ZNF24: variants seen among roughly 807,000 people sequenced by gnomAD.
ZNF24 encodes the protein zinc finger protein 24, also known as retinoic acid suppression protein A.
ZNF24 carries 11 observed loss-of-function variants against 40.9 expected under a neutral mutation model. The observed-to-expected ratio is 0.27, with a 90% CI of 0.17 to 0.45. ZNF24 has a LOEUF of 0.45. Ranked by LOEUF, ZNF24 falls within the 20% of genes least tolerant of loss-of-function variation. The pLI is 1.00. For synonymous variants in ZNF24, 139 were observed against 154.7 expected (o/e 0.90, Z 0.75); for missense variants, 293 against 437.7 (o/e 0.67, Z 2.95).
intron 3 of ZNF24, chr18:35,338,877 C>A: frequency 7.3e-7 from 1 of 1,377,088 alleles, no homozygotes; most frequent in Non-Finnish European, 9.3e-7. Context: ...CCCCATATAT[C>A]AAGAATGATA....
In ZNF24 at chr18:35,336,836, T is replaced by A. The variant is rs576085272; in HGVS notation, c.*396A>T. The A allele has an allele frequency of 6.4e-6, 1 of 157,208 alleles. No individual in the cohort carries two copies. The highest frequency in any genetic ancestry group is 2.0e-4 in the South Asian group (1 of 4,886). 9.7% of individuals were successfully genotyped at this position (157,208 alleles called of 1,614,324 possible). Reference sequence around the variant, plus strand: ...TGGTTTTCAGACTTTGTAATTCCTGTTGCCTTTTAATATATAAGGGAATGT... The same window carrying A: ...TGGTTTTCAGACTTTGTAATTCCTGATGCCTTTTAATATATAAGGGAATGT... On this transcript the variant is annotated 3_prime_UTR_variant, in exon 4 of 4. Transcript: ENST00000261332.
Position 35,337,209 on chromosome 18 carries a change from A to G in ZNF24, c.*23T>C, listed in dbSNP as rs756547539. ...TCTGAAGAAAAAGACCTGAGTGCTG[A>G]TTCTTTTTTTTTTTTCAATTTCTTA... On this transcript the variant is annotated 3_prime_UTR_variant, in exon 4 of 4. Coordinates refer to ENST00000261332, the MANE Select transcript of ZNF24 (RefSeq NM_006965.4). 1 of 1,418,638 alleles carries G rather than the reference A, an allele frequency of 7.0e-7. No individual in the cohort carries two copies. The highest frequency in any genetic ancestry group is 1.4e-5 in the African/African-American group (1 of 69,628). 87.9% of individuals were successfully genotyped at this position (1,418,638 alleles called of 1,614,324 possible).
At chr18:35,339,318 G>GA (rs1243095486) in intron 3 of ZNF24, among the ~76,000 whole-genome samples, 1 of 151,978 alleles carries the variant, frequency 6.6e-6, no homozygotes, top group Non-Finnish European at 1.5e-5. Flanking sequence ...TTAGAAAAAG[G>GA]AAAAAAATTA....
At position 35,340,794 on chromosome 18, in the gene ZNF24, A is replaced by G. The variant is rs2044962187; in HGVS notation, c.-83-61T>C. 2.8e-6 allele frequency: 2 copies of G among 724,192 alleles called. No homozygotes were observed. The highest frequency in any genetic ancestry group is 4.3e-6 in the Non-Finnish European group (2 of 462,010). 44.9% of individuals were successfully genotyped at this position (724,192 alleles called of 1,614,324 possible). On this transcript the variant is annotated intron_variant, in intron 1 of 3. Transcript: ENST00000261332. The surrounding 1 kb of genome is among the most constrained non-coding windows in gnomAD (Gnocchi z 4.6). ...AAAAATATCCTAAGAATTTGAACTT[A>G]TACTGGTAAAAGTAAAAGATACTTG...
In ZNF24 at chr18:35,336,138, T is replaced by C. The variant is rs2044906456; in HGVS notation, c.*1094A>G. ...CCCCTATGATTTACAGTGGAAGAAA[T>C]ACCTACCTACTTATGGTAGGATTAC... On this transcript the variant is annotated 3_prime_UTR_variant, in exon 4 of 4. Transcript: ENST00000261332. 2 of 152,616 alleles carry C rather than the reference T, an allele frequency of 1.3e-5. No individual in the cohort carries two copies. The highest frequency in any genetic ancestry group is 2.9e-5 in the Non-Finnish European group (2 of 68,024). 9.5% of individuals were successfully genotyped at this position (152,616 alleles called of 1,614,324 possible).
intron 1 of ZNF24, among the ~76,000 whole-genome samples, chr18:35,341,095 G>A (rs1011509416): frequency 6.6e-6 from 1 of 152,156 alleles, no homozygotes; most frequent in African/African-American, 2.4e-5. Flanking sequence ...ACATGACTGT[G>A]TCCATAAATA....
Position 35,344,414 on chromosome 18 carries a change from C to G in ZNF24, c.-138G>C, listed in dbSNP as rs2143862932. ...GCAGCTTCGCTGTCCACGGCAGACG[C>G]AGAAACGCCGTTCACAAGCCTTTTC... On this transcript the variant is annotated 5_prime_UTR_variant, in exon 1 of 4. Transcript: ENST00000261332. 6.6e-6 allele frequency: 1 copy of G among 152,492 alleles called. No homozygotes were observed. Among genetic ancestry groups the G allele is most frequent in the African/African-American group, 2.4e-5 (1 of 41,596 alleles). 9.4% of individuals were successfully genotyped at this position (152,492 alleles called of 1,614,324 possible). A position where few individuals can be genotyped will look rare whatever the true frequency, so the allele number is the denominator to read the frequency against.
rs1327275437 is a variant in ZNF24, at chr18:35,336,699, CT to C, written c.*532del. 6.6e-6 allele frequency: 1 copy of C among 152,110 alleles called. No individual in the cohort carries two copies. The highest frequency in any genetic ancestry group is 2.4e-5 in the African/African-American group (1 of 41,406). 9.4% of individuals were successfully genotyped at this position (152,110 alleles called of 1,614,324 possible). The stretch of plus-strand genomic sequence containing the variant: ...ATCACCATCACTTCTTATCTGAGAT[CT>C]TATGGTTCATTTTGAGGCTCTTAGC... On this transcript the variant is annotated 3_prime_UTR_variant, in exon 4 of 4. Transcript: ENST00000261332.
At chr18:35,341,205 T>C (rs1368545697) in intron 1 of ZNF24, among the ~76,000 whole-genome samples, 1 of 152,070 alleles carries the variant, frequency 6.6e-6, no homozygotes, top group Non-Finnish European at 1.5e-5. Flanking sequence ...CACTACAAAA[T>C]GATGTTTGGG....
At position 35,333,346 on chromosome 18, in the gene ZNF24, A is replaced by G. The variant is rs543520980; in HGVS notation, c.*3886T>C. On this transcript the variant is annotated 3_prime_UTR_variant, in exon 4 of 4. Coordinates refer to ENST00000261332, the MANE Select transcript of ZNF24 (RefSeq NM_006965.4). ...TTATGTAAAAAGTGTTTTTATGTGT[A>G]TGTATATTCGTACGGAAAGGTGACT... is the stretch of plus-strand genomic sequence containing the variant. The G allele has an allele frequency of 6.6e-6, 1 of 152,312 alleles. No individual in the cohort carries two copies. The highest frequency in any genetic ancestry group is 2.1e-4 in the South Asian group (1 of 4,826). 9.4% of individuals were successfully genotyped at this position (152,312 alleles called of 1,614,324 possible). A position where few individuals can be genotyped will look rare whatever the true frequency, so the allele number is the denominator to read the frequency against.
rs779641218 is a variant in ZNF24 at position 35,339,948 on chromosome 18, A to T, written c.449T>A (p.Val150Glu). 2 of 1,610,804 alleles carry T rather than the reference A, an allele frequency of 1.2e-6. No individual in the cohort carries two copies. The highest frequency in any genetic ancestry group is 2.7e-5 in the African/African-American group (2 of 74,878). ...TTGAGATACCATGTCTTCTACTAGT[A>T]CTTCCCGTTTTCGTCGACGGAGAGA... ...PVSLRRRKRE[V>E]LVEDMVSQEE... The change falls in exon 3 of 4, where the codon GTA becomes GAA. Residue 150 changes from valine to glutamate, a missense_variant. Coordinates refer to ENST00000261332, the MANE Select transcript of ZNF24 (RefSeq NM_006965.4).
At chr18:35,339,042 G>A (rs1211712439) in intron 3 of ZNF24, 1 of 1,535,982 alleles carries the variant, frequency 6.5e-7, no homozygotes, top group Non-Finnish European at 8.7e-7. Flanking sequence ...TGGCATACCA[G>A]CACCATCTCC....
rs561098484 is a variant in ZNF24 at position 35,340,128 on chromosome 18, G to A, written c.420+103C>T. On this transcript the variant is annotated intron_variant, in intron 2 of 3. Coordinates refer to ENST00000261332, the MANE Select transcript of ZNF24 (RefSeq NM_006965.4). The surrounding 1 kb of genome is among the most constrained non-coding windows in gnomAD (Gnocchi z 4.6). ...GAGTGGTAGGGGAATGGGGGAAAAG[G>A]CATAAACATAATTCTAACTTAGTTG... is the stretch of plus-strand genomic sequence containing the variant. 1.1e-4 allele frequency: 168 copies of A among 1,504,936 alleles called. No individual in the cohort carries two copies. Among genetic ancestry groups the A allele is most frequent in the Non-Finnish European group, 1.2e-4 (131 of 1,106,912 alleles). The allele number at this position is 1,504,936 out of a possible 1,614,324, so 93.2% of individuals were successfully genotyped here.
At position 35,340,025 on chromosome 18, in the gene ZNF24, GA is replaced by G. The variant is rs761166640; in HGVS notation, c.421-50del. ...AGAGAAGGAACTGTAATGAGAATCAGAACTAAAAACACGTAAGAGAAACCCC... is the reference window on the plus strand; with the variant it reads ...AGAGAAGGAACTGTAATGAGAATCAGACTAAAAACACGTAAGAGAAACCCC... On this transcript the variant is annotated intron_variant, in intron 2 of 3. Coordinates refer to ENST00000261332, the MANE Select transcript of ZNF24 (RefSeq NM_006965.4). This position sits in a 1 kb window ranked among gnomAD's most constrained non-coding sequence, Gnocchi z 4.6. 4 of 1,576,288 alleles carry G rather than the reference GA, an allele frequency of 2.5e-6. No homozygotes were observed. The highest frequency in any genetic ancestry group is 2.6e-6 in the Non-Finnish European group (3 of 1,155,350).
At position 35,337,610 on chromosome 18, in the gene ZNF24, T is replaced by C; in HGVS notation, c.729A>G (p.Arg243=). ...TATGTTGTTTCTTTCGAGAGGGATT[T>C]CTCTTTCTTTCAAACCTGCCCTTGG... is the stretch of plus-strand genomic sequence containing the variant. The part of the protein sequence containing the change: ...CFPKGRFERK[R]NPSRKKQHIC... The change falls in exon 4 of 4, where the codon AGA becomes AGG. Residue 243 remains arginine (R), a synonymous_variant. Transcript: ENST00000261332. 6.2e-7 allele frequency: 1 copy of C among 1,614,156 alleles called. No homozygotes were observed. Among genetic ancestry groups the C allele is most frequent in the Non-Finnish European group, 8.5e-7 (1 of 1,179,994 alleles).
intron 1 of ZNF24, among the ~76,000 whole-genome samples, chr18:35,342,271 TAAGTG>T (rs964268571): frequency 2.6e-5 from 4 of 152,236 alleles, no homozygotes; most frequent in Admixed American, 6.5e-5. Flanking sequence ...GTTTGTATTT[TAAGTG>T]AAGTGTTATC....
chr18:35,340,102 G>C lies in ZNF24; in HGVS notation c.421-126C>G. ...GATGGCAAAGCGGCACAGATAACAA[G>C]GAGTGGTAGGGGAATGGGGGAAAAG... On this transcript the variant is annotated intron_variant, in intron 2 of 3. Coordinates refer to ENST00000261332, the MANE Select transcript of ZNF24 (RefSeq NM_006965.4). This position sits in a 1 kb window ranked among gnomAD's most constrained non-coding sequence, Gnocchi z 4.6. The C allele has an allele frequency of 6.8e-7, 1 of 1,478,032 alleles. No individual in the cohort carries two copies. The highest frequency in any genetic ancestry group is 1.3e-5 in the South Asian group (1 of 76,700). 91.6% of individuals were successfully genotyped at this position (1,478,032 alleles called of 1,614,324 possible).
In ZNF24 at chr18:35,337,175, GTCT is replaced by G. The variant is rs1019302272; in HGVS notation, c.*54_*56del. Reference sequence around the variant, plus strand: ...TGCATCATTTCATATTTTAAATTTTGTCTTCATTTCTGAAGAAAAAGACCTGAG... The same window carrying G: ...TGCATCATTTCATATTTTAAATTTTGTCATTTCTGAAGAAAAAGACCTGAG... On this transcript the variant is annotated 3_prime_UTR_variant, in exon 4 of 4. Transcript: ENST00000261332. The G allele has an allele frequency of 1.0e-4, 135 of 1,320,944 alleles. No individual in the cohort carries two copies. In the African/African-American group the frequency reaches 1.5e-3, roughly 15 times the overall value. 81.8% of individuals were successfully genotyped at this position (1,320,944 alleles called of 1,614,324 possible).
intron 1 of ZNF24, chr18:35,342,566 A>G (rs1400225190): frequency 6.6e-6 from 1 of 151,328 alleles, no homozygotes; most frequent in Non-Finnish European, 1.5e-5. Flanking sequence ...AACATTTTAT[A>G]TCATATTTTA....
Sources: gnomAD v4.1 joint callset for allele counts (sites outside exome capture counted in the v4.1 genomes callset) on GRCh38, gnomAD v4.1.1 for gene constraint, Gnocchi (gnomAD v3.1) non-coding constraint, MANE v1.5 for transcripts, NCBI Gene and HGNC (gene_info 2026-07-23, HGNC 2026-07-21) for gene names.